THEM5: variants seen among roughly 807,000 people sequenced by gnomAD.
The protein encoded by THEM5 is thioesterase superfamily member 5.
A neutral mutation model predicts 24.2 loss-of-function variants in THEM5; 28 were observed. That is an observed-to-expected ratio of 1.16 (90% CI 0.86 to 1.59). THEM5 has a LOEUF of 1.59. THEM5 is among the 40% of genes most tolerant of loss of function. The pLI, the probability that THEM5 is intolerant of heterozygous loss-of-function variation, is 0.00. For missense variants in THEM5, 260 were observed against 296.8 expected, an observed-to-expected ratio of 0.88 and a Z score of 0.91; for synonymous variants, 87 against 114.5, an observed-to-expected ratio of 0.76 and a Z score of 1.53.
At chr1:151,849,418 C>T (rs1018646985) in intron 3 of THEM5, among the ~76,000 whole-genome samples, 1 of 152,126 alleles carries the variant, frequency 6.6e-6, no homozygotes, top group Non-Finnish European at 1.5e-5. Flanking sequence ...ACTGTACTGC[C>T]ATGGGTTACC....
chr1:151,852,566 C>T (rs1423216304), intron 1 of THEM5, 107 bp from the exon 2 acceptor site: 1 of 1,048,700 alleles, frequency 9.5e-7, no homozygotes, highest in African/African-American at 1.6e-5. Context: ...TTCTCAATCC[C>T]TTCTGCCAGA....
At chr1:151,849,971 C>T (rs1653064224) in intron 3 of THEM5, among the ~76,000 whole-genome samples, 1 of 152,196 alleles carries the variant, frequency 6.6e-6, no homozygotes, top group South Asian at 2.1e-4. Flanking sequence ...GTCAGCCATG[C>T]TTCAGAAAGG....
rs767559439 is a variant in THEM5, at chr1:151,848,292, C to T, written c.465G>A (p.Gly155=). 6.2e-7 allele frequency: 1 copy of T among 1,613,242 alleles called. No homozygotes were observed. The highest frequency in any genetic ancestry group is 8.5e-7 in the Non-Finnish European group (1 of 1,179,496). ...CTGCCAGGGACCCGCCGTGAGCAAA[C>T]CTGGGGGTGGGGTAAGGTGAGGAGC... ...QPGSYLEGPP[G]FAHGGSLAAM... The change falls in exon 4 of 6, where the codon GGG becomes GGA. Residue 155 remains glycine, a splice_region_variant and synonymous_variant. Coordinates refer to ENST00000368817, the MANE Select transcript of THEM5 (RefSeq NM_182578.4).
intron 4 of THEM5, 98 bp from the exon 5 acceptor site, chr1:151,847,960 T>C: frequency 1.9e-6 from 3 of 1,568,580 alleles, no homozygotes; most frequent in Non-Finnish European, 1.7e-6. Flanking sequence ...CCTCCCGGCC[T>C]CGAGGACTCA....
Position 151,853,620 on chromosome 1 carries a change from A to G in THEM5, c.-55T>C. ...GATGGAGGGTCTTGGCTGACTCCCA[A>G]GGAGTGCTTTCAGCTGCACTTGGGG... On this transcript the variant is annotated 5_prime_UTR_variant, in exon 1 of 6. Transcript: ENST00000368817. 3.2e-6 allele frequency: 5 copies of G among 1,540,472 alleles called. No homozygotes were observed. Among genetic ancestry groups the G allele is most frequent in the Admixed American group, 3.9e-5 (2 of 51,456 alleles).
intron 1 of THEM5, among the ~76,000 whole-genome samples, chr1:151,853,092 A>G (rs1399505490): frequency 1.3e-5 from 2 of 152,220 alleles, no homozygotes; most frequent in South Asian, 4.1e-4. Flanking sequence ...TCACCTGCTC[A>G]TACACCAGTC....
At chr1:151,853,181 C>T (rs932244871) in intron 1 of THEM5, among the ~76,000 whole-genome samples, 2 of 152,250 alleles carry the variant, frequency 1.3e-5, no homozygotes, top group East Asian at 3.8e-4. Context: ...AGCTTTGCTG[C>T]AGTAGTCTGA....
intron 4 of THEM5, 127 bp from the exon 5 acceptor site, chr1:151,847,989 G>C: frequency 1.3e-6 from 2 of 1,519,046 alleles, no homozygotes; most frequent in Non-Finnish European, 1.8e-6. Flanking sequence ...CCTGGGCTCA[G>C]GGCCTTTTTG....
Position 151,847,337 on chromosome 1 carries a change from G to T in THEM5, c.*34C>A. 6.2e-7 allele frequency: 1 copy of T among 1,609,356 alleles called. No homozygotes were observed. Among genetic ancestry groups the T allele is most frequent in the East Asian group, 2.2e-5 (1 of 44,714 alleles). ...AGGCAGGAGGCAGGAGGCAGGCAGGGGAGGCAGTGGCTCTCCTGCAGGCAC... is the reference window on the plus strand; with the variant it reads ...AGGCAGGAGGCAGGAGGCAGGCAGGTGAGGCAGTGGCTCTCCTGCAGGCAC... On this transcript the variant is annotated 3_prime_UTR_variant, in exon 6 of 6. Transcript: ENST00000368817.
chr1:151,847,273 GGCAGGCAGGGGAGGCAGGA>G lies in THEM5; in HGVS notation c.*79_*97del. On this transcript the variant is annotated 3_prime_UTR_variant, in exon 6 of 6. Transcript: ENST00000368817. Reference sequence around the variant, plus strand: ...CAGGAGGCAGGCAGGGGAGGCAGGAGGCAGGCAGGGGAGGCAGGAGGCAGGAGGCAGGCAGGGGAGGCAG... The same window carrying G: ...CAGGAGGCAGGCAGGGGAGGCAGGAGGGCAGGAGGCAGGCAGGGGAGGCAG... 1.6e-6 allele frequency: 1 copy of G among 630,028 alleles called. No individual in the cohort carries two copies. The allele number at this position is 630,028 out of a possible 1,614,324, so 39.0% of individuals were successfully genotyped here.
chr1:151,849,145 G>C (rs1474053738), intron 3 of THEM5, among the ~76,000 whole-genome samples: 1 of 151,952 alleles, frequency 6.6e-6, no homozygotes, highest in Non-Finnish European at 1.5e-5. Context: ...ATTGAACCCG[G>C]TGGGTGGAGG....
chr1:151,852,121 G>A (rs901077353), intron 2 of THEM5, 137 bp downstream of exon 2: 1 of 821,572 alleles, frequency 1.2e-6, no homozygotes, highest in African/African-American at 1.7e-5. Flanking sequence ...TGTTGCCTGG[G>A]GCTGCAGCAT....
intron 4 of THEM5, 68 bp downstream of exon 4, chr1:151,848,114 G>C: frequency 6.5e-7 from 1 of 1,536,270 alleles, no homozygotes; most frequent in East Asian, 2.2e-5. Flanking sequence ...CCCAGCTGCC[G>C]AGGATGGCCA....
chr1:151,847,863 C>T lies in THEM5; in HGVS notation c.576-1G>A. Reference sequence around the variant, plus strand: ...AACCAGAGAGTCCACGGGGATCAAGCTGGGAGACGAGGCAGCTTAGCCCAT... The same window carrying T: ...AACCAGAGAGTCCACGGGGATCAAGTTGGGAGACGAGGCAGCTTAGCCCAT... On this transcript the variant is annotated splice_acceptor_variant, in intron 4 of 5. Transcript: ENST00000368817. LOFTEE classifies it high-confidence loss of function. The T allele has an allele frequency of 6.2e-7, 1 of 1,613,938 alleles. No homozygotes were observed. The highest frequency in any genetic ancestry group is 1.1e-5 in the South Asian group (1 of 91,082).
At chr1:151,851,757 C>T (rs921144810) in intron 2 of THEM5, among the ~76,000 whole-genome samples, 11 of 152,144 alleles carry the variant, frequency 7.2e-5, no homozygotes, top group Admixed American at 1.3e-4. Flanking sequence ...GATACACATG[C>T]GTGCACACAC....
chr1:151,851,177 G>C lies in THEM5; in HGVS notation c.340C>G (p.Arg114Gly). 2.5e-6 allele frequency: 4 copies of C among 1,614,166 alleles called. 1 individual carries two copies. The South Asian group carries it at 4.4e-5, about 18-fold the overall frequency. ...LAVSSDKGDC[R>G]IFTRCIQVEG... ...ACTTGGATGCACCTGGTGAAGATGC[G>C]ACAGTCACCTTTGTCTGGGGAGAGA... The change falls in exon 3 of 6, where the codon CGC (arginine) becomes GGC (glycine). Residue 114 changes from arginine to glycine, a missense_variant. By Grantham distance (125) the Arg-to-Gly change is moderately radical (BLOSUM62 -2). Coordinates refer to ENST00000368817, the MANE Select transcript of THEM5 (RefSeq NM_182578.4).
chr1:151,851,284 T>G (rs1653112665), intron 2 of THEM5, 93 bp from the exon 3 acceptor site: 1 of 1,541,282 alleles, frequency 6.5e-7, no homozygotes, highest in Non-Finnish European at 8.9e-7. Flanking sequence ...GGTACAAGAT[T>G]AAGGAGAGAA....
At chr1:151,850,759 G>A (rs929757489) in intron 3 of THEM5, among the ~76,000 whole-genome samples, 2 of 152,144 alleles carry the variant, frequency 1.3e-5, no homozygotes, top group Non-Finnish European at 2.9e-5. Flanking sequence ...TCTAGATTCC[G>A]GATCTTGCCC....
intron 2 of THEM5, among the ~76,000 whole-genome samples, chr1:151,852,036 G>GCC (rs1653143068): frequency 6.6e-6 from 1 of 152,160 alleles, no homozygotes; most frequent in Admixed American, 6.5e-5. Flanking sequence ...GGCTGGGAGC[G>GCC]AAGGTGGGCC....
Sources: gnomAD v4.1 joint callset for allele counts (sites outside exome capture counted in the v4.1 genomes callset) on GRCh38, gnomAD v4.1.1 for gene constraint, MANE v1.5 for transcripts, NCBI Gene and HGNC (gene_info 2026-07-23, HGNC 2026-07-21) for gene names.